NTRK2: variants seen among roughly 807,000 people sequenced by gnomAD.
NTRK2 encodes BDNF/NT-3 growth factors receptor.
NTRK2 carries 13 observed loss-of-function variants against 94.5 expected under a neutral mutation model. The ratio of observed to expected loss-of-function variants is 0.14; its 90% CI spans 0.09 to 0.22. The LOEUF is 0.22. Among genes scored for constraint, NTRK2 ranks in the 10% least tolerant of loss-of-function variants. The probability of loss-of-function intolerance (pLI) is 1.00; values close to 1 mark genes in which losing one functional copy is unlikely to be tolerated. For synonymous variants in NTRK2, 372 were observed against 407.4 expected, an observed-to-expected ratio of 0.91 and a Z score of 1.05; for missense variants, 639 against 1,071.2, an observed-to-expected ratio of 0.60 and a Z score of 5.63.
chr9:85,019,781 A>G (rs1832619299), intron 17 of NTRK2, among the ~76,000 whole-genome samples: 1 of 152,118 alleles, frequency 6.6e-6, no homozygotes, highest in Non-Finnish European at 1.5e-5. Context: ...GCAGAAGGAG[A>G]CTCTGGCCTT....
At chr9:84,891,977 G>C (rs2132308070) in intron 14 of NTRK2, among the ~76,000 whole-genome samples, 1 of 152,132 alleles carries the variant, frequency 6.6e-6, no homozygotes, top group South Asian at 2.1e-4. Context: ...GATGGATATA[G>C]GCTAGGAGAG....
At chr9:85,019,965 G>A (rs1010259636) in intron 17 of NTRK2, among the ~76,000 whole-genome samples, 2 of 152,226 alleles carry the variant, frequency 1.3e-5, no homozygotes, top group Non-Finnish European at 1.5e-5. Context: ...CATCATCCCT[G>A]CTCCTATCTG....
At chr9:84,900,628 C>G (rs761167726) in intron 14 of NTRK2, among the ~76,000 whole-genome samples, 2 of 152,094 alleles carry the variant, frequency 1.3e-5, no homozygotes, top group South Asian at 4.1e-4. Flanking sequence ...TTCAGAGGCA[C>G]GCCTTGTAAA....
intron 17 of NTRK2, among the ~76,000 whole-genome samples, chr9:84,996,120 T>G (rs1224167247): frequency 6.6e-6 from 1 of 152,236 alleles, no homozygotes; most frequent in East Asian, 1.9e-4. Flanking sequence ...TGTGAACATA[T>G]GAGGCTGCTG....
intron 17 of NTRK2, among the ~76,000 whole-genome samples, chr9:85,004,330 T>C (rs1477678869): frequency 6.6e-6 from 1 of 152,188 alleles, no homozygotes; most frequent in Non-Finnish European, 1.5e-5. Flanking sequence ...GTTCATTCTG[T>C]ATAAGCCTTG....
chr9:84,969,391 G>T (rs960676869), intron 17 of NTRK2, among the ~76,000 whole-genome samples: 13 of 152,254 alleles, frequency 8.5e-5, no homozygotes, highest in African/African-American at 2.9e-4. Flanking sequence ...TGCAGGAAAA[G>T]CTCAATTTGC....
At chr9:84,779,810 A>G (rs1278201906) in intron 12 of NTRK2, among the ~76,000 whole-genome samples, 1 of 152,356 alleles carries the variant, frequency 6.6e-6, no homozygotes. Flanking sequence ...TCAACGTGTC[A>G]GATCTGAAAT....
In NTRK2 at chr9:84,710,633, G is replaced by A. The variant is rs1364057066; in HGVS notation, c.429-4G>A. 12 of 1,614,094 alleles carry A rather than the reference G, an allele frequency of 7.4e-6. No homozygotes were observed. The highest frequency in any genetic ancestry group is 1.0e-5 in the Non-Finnish European group (12 of 1,179,982). On this transcript the variant is annotated splice_region_variant and splice_polypyrimidine_tract_variant and intron_variant, in intron 5 of 18. Coordinates refer to ENST00000277120, the MANE Select transcript of NTRK2 (RefSeq NM_006180.6). ...TGATCTGTTGTCATTTTTGTTCCCT[G>A]TAGGATCCTGGTGGGCAATCCATTT...
intron 2 of NTRK2, among the ~76,000 whole-genome samples, chr9:84,696,227 C>T (rs1459287576): frequency 1.3e-5 from 2 of 152,144 alleles, no homozygotes; most frequent in African/African-American, 4.8e-5. Context: ...AAGCTGGTCT[C>T]GAACTCCTGG....
intron 14 of NTRK2, among the ~76,000 whole-genome samples, chr9:84,887,280 C>T (rs1411368676): frequency 1.3e-5 from 2 of 152,188 alleles, no homozygotes; most frequent in Admixed American, 1.3e-4. Context: ...TCCTTTTCTT[C>T]TCATCCCCTC....
intron 11 of NTRK2, among the ~76,000 whole-genome samples, chr9:84,746,627 G>A (rs2064101441): frequency 6.6e-6 from 1 of 152,088 alleles, no homozygotes; most frequent in Non-Finnish European, 1.5e-5. Context: ...AGCCCTGGGT[G>A]ACCTCGTCCT....
chr9:84,812,186 A>G, intron 12 of NTRK2: 2 of 1,058,226 alleles, frequency 1.9e-6, no homozygotes, highest in Non-Finnish European at 2.3e-6. Context: ...TAATCTTAAT[A>G]AACCAGGATC....
intron 12 of NTRK2, among the ~76,000 whole-genome samples, chr9:84,757,250 TA>T (rs2065163824): frequency 6.6e-6 from 1 of 152,190 alleles, no homozygotes; most frequent in African/African-American, 2.4e-5. Flanking sequence ...TAGAAATACC[TA>T]AACATAAAAA....
intron 14 of NTRK2, among the ~76,000 whole-genome samples, chr9:84,917,089 A>C (rs890152350): frequency 5.9e-5 from 9 of 152,116 alleles, no homozygotes; most frequent in Admixed American, 5.2e-4. Context: ...ATTTAAACAA[A>C]TGAGCCTGCT....
intron 14 of NTRK2, among the ~76,000 whole-genome samples, chr9:84,903,768 A>C (rs748613306): frequency 9.3e-5 from 14 of 150,740 alleles, no homozygotes; most frequent in Non-Finnish European, 1.5e-4. Flanking sequence ...CTCAGATTAT[A>C]GAAAAGACAT....
At chr9:84,845,640 C>T (rs1325956061) in intron 12 of NTRK2, among the ~76,000 whole-genome samples, 1 of 152,062 alleles carries the variant, frequency 6.6e-6, no homozygotes, top group African/African-American at 2.4e-5. Flanking sequence ...GAACTGGAGG[C>T]CATTATTCTA....
rs1490403 is a variant in NTRK2, at chr9:85,023,591, T to A, written c.*2154T>A. 0.71 allele frequency: 160,220 copies of A among 224,384 alleles called. 58,903 individuals are homozygous for A. Among genetic ancestry groups the A allele is most frequent in the African/African-American group, 0.84 (37,678 of 44,716 alleles). 13.9% of individuals were successfully genotyped at this position (224,384 alleles called of 1,614,324 possible). On this transcript the variant is annotated 3_prime_UTR_variant, in exon 19 of 19. Coordinates refer to ENST00000277120, the MANE Select transcript of NTRK2 (RefSeq NM_006180.6). ...CGTTTGTTCTCTTTGTTGATGATTT[T>A]AAAAAAACCCTCTAGAATACACATA...
chr9:84,919,872 G>T (rs951419837), intron 14 of NTRK2, among the ~76,000 whole-genome samples: 9 of 152,160 alleles, frequency 5.9e-5, no homozygotes, highest in African/African-American at 2.2e-4. Context: ...TGAGGATCAG[G>T]TATTTTTATT....
At position 84,722,494 on chromosome 9, in the gene NTRK2, C is replaced by T. The variant is rs563130828; in HGVS notation, c.584-1079C>T. On this transcript the variant is annotated intron_variant, in intron 6 of 18. Transcript: ENST00000277120. ...AATTTAACGGCTGTTGAAAATGAAT[C>T]GCCTTCTTTGACCTCCAGGTTCTGA... Among the ~76,000 whole-genome samples, 15 of 152,068 alleles carry T rather than the reference C, an allele frequency of 9.9e-5. No individual in the cohort carries two copies. The East Asian group carries it at 2.7e-3, about 27-fold the overall frequency.
Sources: gnomAD v4.1 joint callset for allele counts (sites outside exome capture counted in the v4.1 genomes callset) on GRCh38, gnomAD v4.1.1 for gene constraint, MANE v1.5 for transcripts, NCBI Gene and HGNC (gene_info 2026-07-23, HGNC 2026-07-21) for gene names.